SEPTIN2: variants seen among roughly 807,000 people sequenced by gnomAD.
SEPTIN2 encodes septin-2.
SEPTIN2 carries 34 observed loss-of-function variants against 46.5 expected under a neutral mutation model. That is an observed-to-expected ratio of 0.73 (90% CI 0.56 to 0.97). The LOEUF (loss-of-function observed/expected upper bound fraction) is 0.97. SEPTIN2 is among the 50% of genes least tolerant of loss of function. SEPTIN2 has a pLI of 0.00. For missense variants in SEPTIN2, 347 were observed against 448.4 expected (o/e 0.77, Z 2.04); for synonymous variants, 175 against 153.4 (o/e 1.14, Z -1.04).
intron 7 of SEPTIN2, among the ~76,000 whole-genome samples, chr2:241,339,910 A>G (rs1287416916): frequency 6.6e-6 from 1 of 152,210 alleles, no homozygotes; most frequent in Non-Finnish European, 1.5e-5. Flanking sequence ...TCCTGAGATC[A>G]GGAATCTGCT....
chr2:241,320,323 TTA>T (rs1242585405), intron 1 of SEPTIN2: 1 of 470,898 alleles, frequency 2.1e-6, no homozygotes, highest in Non-Finnish European at 4.4e-6. Context: ...GATACTTGTT[TTA>T]GTCAGATTTT....
rs1207103920 is a variant in SEPTIN2 at position 241,350,218 on chromosome 2, C to T, written c.*29+15C>T. On this transcript the variant is annotated intron_variant, in intron 12 of 12. Coordinates refer to ENST00000391971, the MANE Select transcript of SEPTIN2 (RefSeq NM_004404.5). ...AGAAGTCAGAGGTAGGCCCTGTTGT[C>T]CCTTAGCCTGGAAGACAGGCAGTTA... The T allele has an allele frequency of 6.8e-7, 1 of 1,480,874 alleles. No homozygotes were observed. The highest frequency in any genetic ancestry group is 1.4e-5 in the African/African-American group (1 of 69,322). The allele number at this position is 1,480,874 out of a possible 1,614,324, so 91.7% of individuals were successfully genotyped here. A position where few individuals can be genotyped will look rare whatever the true frequency, so the allele number is the denominator to read the frequency against.
At chr2:241,342,011 C>T (rs1229100885) in intron 7 of SEPTIN2, among the ~76,000 whole-genome samples, 1 of 152,172 alleles carries the variant, frequency 6.6e-6, no homozygotes, top group Non-Finnish European at 1.5e-5. Flanking sequence ...ACACTACTGC[C>T]TGCTTGATAG....
chr2:241,346,271 C>A, intron 10 of SEPTIN2, 22 bp downstream of exon 10: 2 of 1,600,054 alleles, frequency 1.2e-6, no homozygotes, highest in East Asian at 4.5e-5. Flanking sequence ...GTGCCCCTTT[C>A]TCTGTATTGT....
intron 4 of SEPTIN2, chr2:241,335,677 C>T (rs756934995): frequency 5.3e-6 from 3 of 564,606 alleles, no homozygotes; most frequent in Non-Finnish European, 9.4e-6. Context: ...GTAGCCCTTT[C>T]AGAATATTTT....
intron 7 of SEPTIN2, among the ~76,000 whole-genome samples, chr2:241,342,003 A>G (rs937146682): frequency 3.9e-5 from 6 of 152,024 alleles, no homozygotes; most frequent in East Asian, 1.9e-4. Context: ...CATCCCCCAC[A>G]CTACTGCCTG....
Position 241,336,063 on chromosome 2 carries a change from C to T in SEPTIN2, c.306C>T (p.Thr102=). 6.2e-7 allele frequency: 1 copy of T among 1,613,986 alleles called. No homozygotes were observed. The highest frequency in any genetic ancestry group is 8.5e-7 in the Non-Finnish European group (1 of 1,179,992). ...GVKLRLTVVD[T]PGYGDAINCR... ...AGCTACGCCTGACAGTGGTAGATAC[C>T]CCTGGCTATGGTGACGCTATCAACT... Residue 102 remains threonine, a synonymous_variant, in exon 5 of 13, where the codon ACC becomes ACT. Transcript: ENST00000391971.
At chr2:241,338,621 ATAAT>A (rs1004217942) in intron 7 of SEPTIN2, among the ~76,000 whole-genome samples, 1 of 132,240 alleles carries the variant, frequency 7.6e-6, no homozygotes, top group African/African-American at 2.8e-5. Context: ...TATATAATAT[ATAAT>A]TAATAAATAT....
intron 7 of SEPTIN2, among the ~76,000 whole-genome samples, chr2:241,339,907 A>G (rs944082779): frequency 2.6e-5 from 4 of 152,192 alleles, no homozygotes; most frequent in African/African-American, 9.7e-5. Context: ...AGGTCCTGAG[A>G]TCAGGAATCT....
intron 1 of SEPTIN2, among the ~76,000 whole-genome samples, chr2:241,322,006 C>A (rs2077199351): frequency 6.6e-6 from 1 of 152,124 alleles, no homozygotes. Flanking sequence ...GGCTCTTGAA[C>A]CTTACTGCTA....
intron 7 of SEPTIN2, 57 bp downstream of exon 7, chr2:241,337,847 G>GAAGA (rs1158587126): frequency 1.6e-5 from 20 of 1,213,618 alleles, no homozygotes; most frequent in Non-Finnish European, 2.3e-5. Flanking sequence ...GCATGGGGAT[G>GAAGA]AAGAAAGGAG....
At chr2:241,317,533 G>A in intron 1 of SEPTIN2, 2 of 963,084 alleles carry the variant, frequency 2.1e-6, no homozygotes, top group Non-Finnish European at 2.5e-6. Context: ...GAAGTTGTGG[G>A]TATTTTTTTT....
intron 3 of SEPTIN2, among the ~76,000 whole-genome samples, chr2:241,332,875 A>G (rs1427036178): frequency 6.6e-6 from 1 of 152,202 alleles, no homozygotes; most frequent in Non-Finnish European, 1.5e-5. Flanking sequence ...AAAACAGGCC[A>G]TGTTGTATGA....
intron 3 of SEPTIN2, among the ~76,000 whole-genome samples, chr2:241,327,627 C>T (rs1270078916): frequency 6.6e-6 from 1 of 151,658 alleles, no homozygotes; most frequent in Non-Finnish European, 1.5e-5. Context: ...AAGAAAACTA[C>T]ACCAGGACGC....
rs746870020 is a variant in SEPTIN2 at position 241,325,975 on chromosome 2, T to C, written c.10-18T>C. ...ACTAAGGTGTTTATTAGTTTGTTTG[T>C]TTTTTAATCTTATTTAGCAACAGCC... is the stretch of plus-strand genomic sequence containing the variant. On this transcript the variant is annotated intron_variant, in intron 2 of 12. Coordinates refer to ENST00000391971, the MANE Select transcript of SEPTIN2 (RefSeq NM_004404.5). The C allele has an allele frequency of 1.0e-5, 16 of 1,607,066 alleles. No individual in the cohort carries two copies. The highest frequency in any genetic ancestry group is 1.3e-5 in the African/African-American group (1 of 74,434).
intron 3 of SEPTIN2, among the ~76,000 whole-genome samples, chr2:241,330,935 C>G (rs567569659): frequency 6.6e-6 from 1 of 152,248 alleles, no homozygotes; most frequent in Non-Finnish European, 1.5e-5. Flanking sequence ...TTTGGGAGCC[C>G]GAGGCTGGCA....
chr2:241,322,613 AAAAAAG>A (rs1290298928), intron 1 of SEPTIN2, among the ~76,000 whole-genome samples: 4 of 152,114 alleles, frequency 2.6e-5, no homozygotes, highest in Non-Finnish European at 5.9e-5. Flanking sequence ...CTCAAAAAAA[AAAAAAG>A]AAAAGAGAAA....
intron 1 of SEPTIN2, among the ~76,000 whole-genome samples, chr2:241,322,726 G>A (rs917599564): frequency 2.6e-5 from 4 of 151,946 alleles, no homozygotes; most frequent in African/African-American, 4.8e-5. Flanking sequence ...AGTTCACATT[G>A]CTCTCTGTAC....
intron 5 of SEPTIN2, chr2:241,336,462 T>C (rs1258459447): frequency 9.9e-6 from 2 of 201,222 alleles, no homozygotes; most frequent in Admixed American, 5.2e-5. Context: ...AAATGACTGC[T>C]CATTGGCATC....
Sources: gnomAD v4.1 joint callset for allele counts (sites outside exome capture counted in the v4.1 genomes callset) on GRCh38, gnomAD v4.1.1 for gene constraint, MANE v1.5 for transcripts, NCBI Gene and HGNC (gene_info 2026-07-23, HGNC 2026-07-21) for gene names.